Variants in BMPR1A observed in about 807,000 individuals in gnomAD.
BMPR1A encodes the protein bone morphogenetic protein receptor type-1A.
Under a neutral mutation model 66.0 loss-of-function variants are expected in BMPR1A, and 7 were observed. The ratio of observed to expected loss-of-function variants is 0.11; its 90% confidence interval spans 0.06 to 0.20. The LOEUF (loss-of-function observed/expected upper bound fraction) is 0.20. Ranked by LOEUF, BMPR1A falls within the 10% of genes least tolerant of loss-of-function variation. The pLI is 1.00. For missense variants in BMPR1A, 408 were observed against 669.1 expected (o/e 0.61, Z 4.31); for synonymous variants, 200 against 229.7 (o/e 0.87, Z 1.17).
chr10:86,858,606 A>G (rs1393098253), intron 2 of BMPR1A, among the ~76,000 whole-genome samples: 1 of 152,218 alleles, frequency 6.6e-6, no homozygotes, highest in African/African-American at 2.4e-5. Flanking sequence ...TGCAGAGTAC[A>G]AAATCAATAT....
In BMPR1A at chr10:86,924,416, G is replaced by C. The variant is rs1428578509; in HGVS notation, c.*697G>C. 4.3e-6 allele frequency: 1 copy of C among 233,702 alleles called. No individual in the cohort carries two copies. The highest frequency in any genetic ancestry group is 8.5e-6 in the Non-Finnish European group (1 of 118,134). The allele number at this position is 233,702 out of a possible 1,614,324, so 14.5% of individuals were successfully genotyped here. A position where few individuals can be genotyped will look rare whatever the true frequency, so the allele number is the denominator to read the frequency against. ...AGCCATTTACTTTGCAAGTGAGATA[G>C]CTTCCCCACCAGCTTTATTTTTTAA... On this transcript the variant is annotated 3_prime_UTR_variant, in exon 13 of 13. Transcript: ENST00000372037.
intron 7 of BMPR1A, among the ~76,000 whole-genome samples, chr10:86,911,016 G>A (rs1443703143): frequency 5.9e-5 from 9 of 152,102 alleles, no homozygotes; most frequent in Non-Finnish European, 5.9e-5. Flanking sequence ...TTAGCCAGGC[G>A]TAGTGGAACA....
intron 2 of BMPR1A, among the ~76,000 whole-genome samples, chr10:86,839,592 C>CAA (rs1210538965): frequency 0.07 from 5,087 of 72,530 alleles, 316 homozygotes; most frequent in Non-Finnish European, 0.098. Context: ...GACTCTGTCT[C>CAA]AAAAAAAAAA....
At chr10:86,835,390 C>T (rs576753520) in intron 1 of BMPR1A, among the ~76,000 whole-genome samples, 7 of 149,864 alleles carry the variant, frequency 4.7e-5, no homozygotes, top group Non-Finnish European at 8.9e-5. Flanking sequence ...ATGGTGAAAC[C>T]GCATCTCTAC....
At chr10:86,761,627 A>G (rs1360027682) in intron 1 of BMPR1A, among the ~76,000 whole-genome samples, 1 of 152,230 alleles carries the variant, frequency 6.6e-6, no homozygotes, top group Non-Finnish European at 1.5e-5. Flanking sequence ...AGTTATTTAT[A>G]TCCTGCTCAA....
intron 1 of BMPR1A, among the ~76,000 whole-genome samples, chr10:86,812,504 T>G (rs772572935): frequency 3.9e-5 from 6 of 152,218 alleles, no homozygotes; most frequent in Non-Finnish European, 8.8e-5. Flanking sequence ...TGCTTGCACA[T>G]AGGTTACATT....
At chr10:86,850,463 T>C (rs191821227) in intron 2 of BMPR1A, among the ~76,000 whole-genome samples, 44 of 152,306 alleles carry the variant, frequency 2.9e-4, no homozygotes, top group African/African-American at 8.9e-4. Flanking sequence ...CTGGGGGTCT[T>C]GTTAGAAGAT....
chr10:86,919,733 T>C (rs573951005), intron 10 of BMPR1A, among the ~76,000 whole-genome samples: 3 of 152,034 alleles, frequency 2.0e-5, no homozygotes, highest in Admixed American at 1.3e-4. Context: ...TTAAAGACAG[T>C]GTCTCACTCA....
intron 1 of BMPR1A, among the ~76,000 whole-genome samples, chr10:86,795,416 GTTT>G (rs10536775): frequency 1.3e-5 from 2 of 149,612 alleles, no homozygotes; most frequent in African/African-American, 4.9e-5. Context: ...AAAGTGATTT[GTTT>G]TTTTTTTTTC....
chr10:86,830,512 A>T (rs143551903), intron 1 of BMPR1A, among the ~76,000 whole-genome samples: 4 of 152,104 alleles, frequency 2.6e-5, no homozygotes, highest in African/African-American at 9.6e-5. Context: ...TGTTGTCACT[A>T]TTTTTTTATT....
chr10:86,841,289 A>G (rs577556362), intron 2 of BMPR1A, among the ~76,000 whole-genome samples: 13 of 152,360 alleles, frequency 8.5e-5, no homozygotes, highest in African/African-American at 2.6e-4. Context: ...GAGAAGTGCT[A>G]TATTATAATT....
At chr10:86,840,979 A>C (rs1253609742) in intron 2 of BMPR1A, among the ~76,000 whole-genome samples, 1 of 152,010 alleles carries the variant, frequency 6.6e-6, no homozygotes, top group Non-Finnish European at 1.5e-5. Context: ...CTCCTACTTC[A>C]TTTTACATGT....
At position 86,890,156 on chromosome 10, in the gene BMPR1A, T is replaced by A; in HGVS notation, c.162T>A (p.Asp54Glu). 1 of 1,614,182 alleles carries A rather than the reference T, an allele frequency of 6.2e-7. No individual in the cohort carries two copies. Among genetic ancestry groups the A allele is most frequent in the African/African-American group, 1.3e-5 (1 of 75,074 alleles). The change falls in exon 4 of 13, where the codon GAT (aspartate) becomes GAA (glutamate). Residue 54 changes from aspartate to glutamate, a missense_variant. Around this residue, in one of 5 missense-constraint regions of BMPR1A, gnomAD observed 68 missense variants for 83.0 expected, o/e 0.82. Transcript: ENST00000372037. ...ATGGAGTAACCTTAGCACCAGAGGATACCTTGCCTTTTTTAAAGTGCTATT... is the reference window on the plus strand; with the variant it reads ...ATGGAGTAACCTTAGCACCAGAGGAAACCTTGCCTTTTTTAAAGTGCTATT... ...SENGVTLAPE[D>E]TLPFLKCYCS... is the part of the protein sequence containing the mutation.
At chr10:86,760,293 G>A (rs12098772) in intron 1 of BMPR1A, among the ~76,000 whole-genome samples, 2 of 117,178 alleles carry the variant, frequency 1.7e-5, no homozygotes, top group African/African-American at 6.7e-5. Flanking sequence ...TCGCACTGTC[G>A]CCTGGGCTGG....
Position 86,833,447 on chromosome 10 carries a change from T to TA in BMPR1A, c.-267-5417dup, listed in dbSNP as rs1210557908. On this transcript the variant is annotated intron_variant, in intron 1 of 12. Transcript: ENST00000372037. ...TAGAGATGGGGAGACATTTTAAAGA[T>TA]ACGTGTATCAGAGCTAGAATGAGCA... is the stretch of plus-strand genomic sequence containing the variant. Among the ~76,000 whole-genome samples the TA allele has an allele frequency of 3.9e-5, 6 of 152,258 alleles. No homozygotes were observed. In the East Asian group the frequency reaches 1.2e-3, roughly 29 times the overall value.
chr10:86,784,516 A>T (rs1421161886), intron 1 of BMPR1A, among the ~76,000 whole-genome samples: 1 of 152,148 alleles, frequency 6.6e-6, no homozygotes, highest in Non-Finnish European at 1.5e-5. Flanking sequence ...TTTTGAGAAT[A>T]TGTGCATCAA....
At chr10:86,788,615 T>C (rs1005066361) in intron 1 of BMPR1A, among the ~76,000 whole-genome samples, 2 of 152,186 alleles carry the variant, frequency 1.3e-5, no homozygotes, top group African/African-American at 4.8e-5. Flanking sequence ...TCTTCCCTTT[T>C]TATTTTTTGA....
intron 2 of BMPR1A, chr10:86,856,148 C>T (rs1842637158): frequency 1.9e-6 from 1 of 525,756 alleles, no homozygotes; most frequent in Admixed American, 2.1e-5. Context: ...TAATTCCCAG[C>T]TTCTTGTGAC....
chr10:86,781,457 T>C (rs1331050640), intron 1 of BMPR1A, among the ~76,000 whole-genome samples: 1 of 152,198 alleles, frequency 6.6e-6, no homozygotes, highest in Admixed American at 6.5e-5. Flanking sequence ...TTTCAGGTGT[T>C]GTATTGTGAT....
Sources: allele counts gnomAD v4.1 joint callset (sites outside exome capture counted in the v4.1 genomes callset), GRCh38; gene constraint gnomAD v4.1.1; regional missense constraint gnomAD v4.1.1; transcripts MANE v1.5; gene names NCBI Gene and HGNC (gene_info 2026-07-23, HGNC 2026-07-21).